Variants in CEP164 observed in about 807,000 individuals in gnomAD.
CEP164 encodes the protein centrosomal protein 164.
A neutral mutation model predicts 182.7 loss-of-function variants in CEP164; 162 were observed. The ratio of observed to expected loss-of-function variants is 0.89; its 90% CI spans 0.78 to 1.01. CEP164 has a LOEUF of 1.01. CEP164 is among the 50% of genes least tolerant of loss of function. The pLI, the probability that CEP164 is intolerant of heterozygous loss-of-function variation, is 0.00. For synonymous variants in CEP164, 661 were observed against 690.0 expected, an observed-to-expected ratio of 0.96 and a Z score of 0.66; for missense variants, 1,735 against 1,790.4, an observed-to-expected ratio of 0.97 and a Z score of 0.56.
At position 117,411,601 on chromosome 11, in the gene CEP164, C is replaced by T; in HGVS notation, c.4164-194C>T. Reference sequence around the variant, plus strand: ...ACCCAGCAAGGGGGCAGAGGGCCTCCACCACTTTCCCGTTTGGGAACTGTT... The same window carrying T: ...ACCCAGCAAGGGGGCAGAGGGCCTCTACCACTTTCCCGTTTGGGAACTGTT... On this transcript the variant is annotated intron_variant, in intron 31 of 32. Coordinates refer to ENST00000278935, the MANE Select transcript of CEP164 (RefSeq NM_014956.5). This position sits in a 1 kb window ranked among gnomAD's most constrained non-coding sequence, Gnocchi z 4.4. 1 of 680,600 alleles carries T rather than the reference C, an allele frequency of 1.5e-6. No homozygotes were observed. The highest frequency in any genetic ancestry group is 3.1e-5 in the Admixed American group (1 of 32,174). The allele number at this position is 680,600 out of a possible 1,614,324, so 42.2% of individuals were successfully genotyped here. A position where few individuals can be genotyped will look rare whatever the true frequency, so the allele number is the denominator to read the frequency against.
rs2042667698 is a variant in CEP164 at position 117,375,688 on chromosome 11, T to C, written c.1234-20T>C. On this transcript the variant is annotated intron_variant, in intron 10 of 32. Transcript: ENST00000278935. ...CTGTGACAGAGGCAGAGTTGACCTT[T>C]GCATCTCCACTGTCTCCAGGACTTC... The C allele has an allele frequency of 6.2e-7, 1 of 1,612,378 alleles. No individual in the cohort carries two copies. The highest frequency in any genetic ancestry group is 8.5e-7 in the Non-Finnish European group (1 of 1,178,540).
intron 10 of CEP164, among the ~76,000 whole-genome samples, chr11:117,374,828 C>A (rs2042577684): frequency 6.6e-6 from 1 of 152,200 alleles, no homozygotes; most frequent in Non-Finnish European, 1.5e-5. Flanking sequence ...GACAGCAGGA[C>A]CAGACTTTGT....
intron 2 of CEP164, 142 bp from the exon 3 acceptor site, chr11:117,338,424 T>C: frequency 3.2e-6 from 2 of 630,346 alleles, no homozygotes; most frequent in South Asian, 1.9e-5. Context: ...CCCTCCACTA[T>C]ACCTGGCGCC....
intron 3 of CEP164, among the ~76,000 whole-genome samples, chr11:117,341,038 G>T (rs1565423994): frequency 6.6e-6 from 1 of 152,130 alleles, no homozygotes; most frequent in African/African-American, 2.4e-5. Context: ...TATTGGTCAG[G>T]CTGGTCTTGA....
chr11:117,360,055 C>T (rs537958391), intron 5 of CEP164, among the ~76,000 whole-genome samples: 3 of 152,328 alleles, frequency 2.0e-5, no homozygotes, highest in Admixed American at 1.3e-4. Context: ...CGGCAAGGCT[C>T]CTTTCAGCCA....
At chr11:117,335,952 CA>C (rs561519143) in intron 2 of CEP164, among the ~76,000 whole-genome samples, 1 of 151,504 alleles carries the variant, frequency 6.6e-6, no homozygotes, top group Non-Finnish European at 1.5e-5. Context: ...TCATCATCTT[CA>C]AAAAAATAGC....
Position 117,375,727 on chromosome 11 carries a change from G to A in CEP164, c.1253G>A (p.Arg418Gln), listed in dbSNP as rs748709778. The A allele has an allele frequency of 7.4e-6, 12 of 1,614,106 alleles. No homozygotes were observed. The East Asian group carries it at 1.6e-4, about 21-fold the overall frequency. The change falls in exon 11 of 33, where the codon CGG becomes CAG. Residue 418 changes from arginine (R) to glutamine (Q), a missense_variant. By Grantham distance (43) the Arg-to-Gln change is conservative. Transcript: ENST00000278935. ...FHGLDFGFRSRISEHLLDVDV... is the reference protein window; with the variant it reads ...FHGLDFGFRSQISEHLLDVDV... The stretch of plus-strand genomic sequence containing the variant: ...CTCCAGGACTTCGGTTTTCGCAGCC[G>A]GATCTCGGAGCACCTGCTGGATGTT...
At chr11:117,367,700 G>A (rs1324938708) in intron 8 of CEP164, among the ~76,000 whole-genome samples, 2 of 152,108 alleles carry the variant, frequency 1.3e-5, no homozygotes, top group Non-Finnish European at 2.9e-5. Flanking sequence ...GTGCAGGTTT[G>A]TTACATAGGT....
At chr11:117,354,003 CCTTCTT>C (rs142197131) in intron 5 of CEP164, among the ~76,000 whole-genome samples, 27 of 119,614 alleles carry the variant, frequency 2.3e-4, no homozygotes, top group African/African-American at 8.1e-4. Context: ...TTCTTCTTCT[CCTTCTT>C]CTTCTTCTTC....
intron 5 of CEP164, chr11:117,356,534 A>G (rs1168636773): frequency 6.2e-6 from 8 of 1,289,418 alleles, no homozygotes; most frequent in Non-Finnish European, 8.1e-6. Context: ...GCCAAGCAGC[A>G]GCACCCTCAG....
chr11:117,323,624 G>A (rs142326402), upstream of CEP164, among the ~76,000 whole-genome samples: 1,193 of 152,248 alleles, frequency 7.8e-3, 11 homozygotes, highest in African/African-American at 0.027. Context: ...TAGTGGGATT[G>A]CTGGATTGTG....
intron 27 of CEP164, among the ~76,000 whole-genome samples, chr11:117,399,426 C>T (rs1565608460): frequency 6.6e-6 from 1 of 152,122 alleles, no homozygotes; most frequent in Admixed American, 6.5e-5. Flanking sequence ...CTATTGTGAA[C>T]AGTGCTGCAA....
intron 2 of CEP164, chr11:117,336,437 G>C: frequency 3.6e-6 from 5 of 1,393,858 alleles, no homozygotes; most frequent in Non-Finnish European, 5.1e-6. Context: ...GGATACCCTG[G>C]CTGTGGTACA....
At chr11:117,377,393 C>T (rs994185279) in intron 11 of CEP164, among the ~76,000 whole-genome samples, 2 of 152,180 alleles carry the variant, frequency 1.3e-5, no homozygotes, top group African/African-American at 2.4e-5. Context: ...TTGGGGACCC[C>T]TCCCCTAAGC....
intron 5 of CEP164, among the ~76,000 whole-genome samples, chr11:117,357,509 C>A (rs2135566182): frequency 6.6e-6 from 1 of 151,560 alleles, no homozygotes; most frequent in Non-Finnish European, 1.5e-5. Flanking sequence ...GCAACCTCCA[C>A]CTCCTGGGTT....
intron 1 of CEP164, among the ~76,000 whole-genome samples, chr11:117,332,223 C>T (rs1004397542): frequency 2.2e-4 from 33 of 152,166 alleles, no homozygotes; most frequent in African/African-American, 8.0e-4. Context: ...GAGGAGGAGA[C>T]ATGGCCCTCA....
In CEP164 at chr11:117,409,970, G is replaced by A. The variant is rs752675757; in HGVS notation, c.4096+5G>A. On this transcript the variant is annotated splice_donor_5th_base_variant and intron_variant, in intron 30 of 32. Coordinates refer to ENST00000278935, the MANE Select transcript of CEP164 (RefSeq NM_014956.5). The surrounding 1 kb of genome is among the most constrained non-coding windows in gnomAD (Gnocchi z 4.4). The stretch of plus-strand genomic sequence containing the variant: ...AGTGGCGCAAGTATTTTCCATGTAA[G>A]CCCCACTCTGGGCGGAGCCTTCCCA... 5 of 1,613,818 alleles carry A rather than the reference G, an allele frequency of 3.1e-6. No homozygotes were observed. Among genetic ancestry groups the A allele is most frequent in the Non-Finnish European group, 4.2e-6 (5 of 1,179,800 alleles).
chr11:117,356,402 G>T, intron 5 of CEP164: 1 of 1,208,744 alleles, frequency 8.3e-7, no homozygotes, highest in Non-Finnish European at 1.1e-6. Context: ...TGAGCACGAG[G>T]CCATCAGAGT....
chr11:117,361,739 G>T, intron 5 of CEP164, 96 bp from the exon 6 acceptor site: 1 of 1,290,688 alleles, frequency 7.7e-7, no homozygotes, highest in South Asian at 1.2e-5. Context: ...AAATTTGAGC[G>T]TGCAGGATTT....
Sources: gnomAD v4.1 joint callset for allele counts (sites outside exome capture counted in the v4.1 genomes callset) on GRCh38, gnomAD v4.1.1 for gene constraint, Gnocchi (gnomAD v3.1) non-coding constraint, MANE v1.5 for transcripts, NCBI Gene and HGNC (gene_info 2026-07-23, HGNC 2026-07-21) for gene names.